The following COL18A1 variants were observed in gnomAD, a reference collection of about 807,000 sequenced individuals.
COL18A1 encodes the protein collagen alpha-1(XVIII) chain.
Under a neutral mutation model 168.0 loss-of-function variants are expected in COL18A1, and 133 were observed. That is an observed-to-expected ratio of 0.79 (90% CI 0.69 to 0.91). COL18A1 has a LOEUF of 0.91. COL18A1 is among the 40% of genes least tolerant of loss of function. The pLI is 0.00. For synonymous variants in COL18A1, 949 were observed against 809.0 expected (o/e 1.17, Z -2.94); for missense variants, 2,126 against 1,925.4 (o/e 1.10, Z -1.95).
In COL18A1 at chr21:45,409,691, C is replaced by A. The variant is rs2033230385; in HGVS notation, c.106+4218C>A. Reference sequence around the variant, plus strand: ...CTGCCATCTGGTGCCTGAGCGCAGACCCTGCTCCACGGCCAGTGGCTGTCA... The same window carrying A: ...CTGCCATCTGGTGCCTGAGCGCAGAACCTGCTCCACGGCCAGTGGCTGTCA... On this transcript the variant is annotated intron_variant, in intron 2 of 41. Coordinates refer to ENST00000651438, the MANE Select transcript of COL18A1 (RefSeq NM_001379500.1). Among the ~76,000 whole-genome samples the A allele has an allele frequency of 2.0e-5, 3 of 152,254 alleles. No individual in the cohort carries two copies. The South Asian group carries it at 6.2e-4, about 31-fold the overall frequency.
chr21:45,479,472 C>CACAT (rs550177743), intron 9 of COL18A1, among the ~76,000 whole-genome samples: 1 of 152,138 alleles, frequency 6.6e-6, no homozygotes, highest in Non-Finnish European at 1.5e-5. Context: ...CGTGGATACA[C>CACAT]ACATACACAT....
chr21:45,507,104 A>ACTGGGAGGGCTGGGTGCTGGG (rs2037254142), intron 37 of COL18A1: 1 of 270,792 alleles, frequency 3.7e-6, no homozygotes, highest in Non-Finnish European at 7.2e-6. Context: ...CCTGCCGTGG[A>ACTGGGAGGGCTGGGTGCTGGG]CTGGGAGGGC....
chr21:45,405,427 G>GC lies in COL18A1; in HGVS notation c.64dup (p.Leu22ProfsTer40). ...GGCGGCGCCTCCTGGACGTGCTCGCGCCCCTGGTCCTGCTGCTCGGGGTCC... is the reference window on the plus strand; with the variant it reads ...GGCGGCGCCTCCTGGACGTGCTCGCGCCCCCTGGTCCTGCTGCTCGGGGTCC... On this transcript the variant is annotated frameshift_variant, in exon 2 of 42. Transcript: ENST00000651438. LOFTEE classifies it high-confidence loss of function. 1 of 1,362,770 alleles carries GC rather than the reference G, an allele frequency of 7.3e-7. No individual in the cohort carries two copies. Among genetic ancestry groups the GC allele is most frequent in the Middle Eastern group, 2.7e-4 (1 of 3,638 alleles). The allele number at this position is 1,362,770 out of a possible 1,614,324, so 84.4% of individuals were successfully genotyped here. A position where few individuals can be genotyped will look rare whatever the true frequency, so the allele number is the denominator to read the frequency against.
chr21:45,477,936 G>T lies in COL18A1; in HGVS notation c.1192G>T (p.Asp398Tyr), dbSNP rs1160956128. 1.7e-5 allele frequency: 26 copies of T among 1,559,396 alleles called. No homozygotes were observed. In the South Asian group the frequency reaches 1.8e-4, roughly 11 times the overall value. ...PQGPPGPPGR[D>Y]GTPGRDGEPG... ...AGGACCCCCAGGGCCTCCGGGGAGGGACGGCACCCCTGGAAGGGACGGCGA... is the reference window on the plus strand; with the variant it reads ...AGGACCCCCAGGGCCTCCGGGGAGGTACGGCACCCCTGGAAGGGACGGCGA... The change falls in exon 8 of 42, where the codon GAC becomes TAC. Residue 398 changes from aspartate to tyrosine, a missense_variant. Transcript: ENST00000651438.
rs1192009254 is a variant in COL18A1 at position 45,477,824 on chromosome 21, A to T, written c.1080A>T (p.Pro360=). The T allele has an allele frequency of 1.9e-6, 3 of 1,552,390 alleles. No homozygotes were observed. The highest frequency in any genetic ancestry group is 2.6e-6 in the Non-Finnish European group (3 of 1,147,890). The change falls in exon 8 of 42, where the codon CCA becomes CCT. Residue 360 remains proline, a synonymous_variant. Coordinates refer to ENST00000651438, the MANE Select transcript of COL18A1 (RefSeq NM_001379500.1). ...PPGRAGPPGS[P]CLPGPPGLPC... Reference sequence around the variant, plus strand: ...GCCGGGCAGGCCCCCCAGGATCCCCATGCCTACCTGGTCCCCCGGGTCTCC... The same window carrying T: ...GCCGGGCAGGCCCCCCAGGATCCCCTTGCCTACCTGGTCCCCCGGGTCTCC...
chr21:45,467,530 C>G, intron 2 of COL18A1: 1 of 782,804 alleles, frequency 1.3e-6, no homozygotes, highest in Non-Finnish European at 1.6e-6. Flanking sequence ...GCACCTGGCC[C>G]AGCAGGTGAG....
intron 2 of COL18A1, among the ~76,000 whole-genome samples, chr21:45,413,378 G>A (rs560350280): frequency 1.3e-5 from 2 of 152,372 alleles, no homozygotes; most frequent in East Asian, 1.9e-4. Flanking sequence ...CGCCCCTGTC[G>A]CGGGGACCCA....
chr21:45,456,258 C>T (rs2034808329), intron 2 of COL18A1: 5 of 1,581,962 alleles, frequency 3.2e-6, no homozygotes, highest in Admixed American at 3.6e-5. Flanking sequence ...GGACTCTCGC[C>T]CGCCGCAGCC....
chr21:45,471,018 C>A lies in COL18A1; in HGVS notation c.651+2232C>A, dbSNP rs2035406587. Among the ~76,000 whole-genome samples the A allele has an allele frequency of 7.2e-6, 1 of 139,020 alleles. No homozygotes were observed. Among genetic ancestry groups the A allele is most frequent in the Non-Finnish European group, 1.5e-5 (1 of 66,112 alleles). 91.2% of individuals were successfully genotyped at this position (139,020 alleles called of 152,430 possible). On this transcript the variant is annotated intron_variant, in intron 3 of 41. Transcript: ENST00000651438. The surrounding 1 kb of genome is among the most constrained non-coding windows in gnomAD (Gnocchi z 4.4). ...CGTGCTGCTGGGCCTGGGTGGCGTG[C>A]TACGGGCTTGTGCTGCTGGGTGTGG...
At chr21:45,449,487 G>A (rs1021784324) in intron 2 of COL18A1, among the ~76,000 whole-genome samples, 15 of 152,166 alleles carry the variant, frequency 9.9e-5, no homozygotes, top group Non-Finnish European at 1.9e-4. Context: ...GTACATCCAG[G>A]GAAGAGCTAA....
chr21:45,440,854 A>G (rs1464129421), intron 2 of COL18A1, among the ~76,000 whole-genome samples: 1 of 152,158 alleles, frequency 6.6e-6, no homozygotes, highest in Non-Finnish European at 1.5e-5. Context: ...GGGCCCAGGC[A>G]GGGTGAGGTT....
intron 16 of COL18A1, 106 bp downstream of exon 16, chr21:45,487,098 G>A: frequency 8.8e-7 from 1 of 1,136,754 alleles, no homozygotes; most frequent in Non-Finnish European, 1.2e-6. Flanking sequence ...CTGGGCGGTG[G>A]CCTTGCTGGC....
At chr21:45,460,182 T>C (rs1422849933) in intron 2 of COL18A1, among the ~76,000 whole-genome samples, 1 of 152,198 alleles carries the variant, frequency 6.6e-6, no homozygotes, top group Non-Finnish European at 1.5e-5. Context: ...TCGCAGCAGA[T>C]GCAGGACAAG....
chr21:45,440,661 G>A (rs1003166863), intron 2 of COL18A1, among the ~76,000 whole-genome samples: 7 of 151,752 alleles, frequency 4.6e-5, no homozygotes, highest in Non-Finnish European at 1.0e-4. Context: ...TGGGGTTTGA[G>A]CCACGTTCCC....
chr21:45,488,891 TGGCCCCGAAGACCCCACCCCACCCA>T (rs1211399880), intron 18 of COL18A1, among the ~76,000 whole-genome samples: 1 of 151,854 alleles, frequency 6.6e-6, no homozygotes, highest in Non-Finnish European at 1.5e-5. Context: ...GCCCCCAGCC[TGGCCCCGAAGACCCCACCCCACCCA>T]GGCCCCGAAG....
chr21:45,494,938 G>T (rs1310641213), intron 28 of COL18A1, 23 bp downstream of exon 28: 3 of 1,603,944 alleles, frequency 1.9e-6, no homozygotes, highest in Non-Finnish European at 2.6e-6. Flanking sequence ...GGTCTCCAGT[G>T]GGGGCGGCAG....
chr21:45,456,646 G>A lies in COL18A1; in HGVS notation c.107-11596G>A, dbSNP rs778431938. On this transcript the variant is annotated intron_variant, in intron 2 of 41. Transcript: ENST00000651438. The stretch of plus-strand genomic sequence containing the variant: ...AGCAGGTGCGGGCCGGGGCACGGGC[G>A]TGGGGGGGCCTGCTGCAGACGCACT... 1,313 of 1,536,216 alleles carry A rather than the reference G, an allele frequency of 8.5e-4. No individual in the cohort carries two copies. The highest frequency in any genetic ancestry group is 2.2e-3 in the Middle Eastern group (13 of 5,976).
Position 45,444,058 on chromosome 21 carries a change from C to T in COL18A1, c.107-24184C>T, listed in dbSNP as rs150135673. On this transcript the variant is annotated intron_variant, in intron 2 of 41. Transcript: ENST00000651438. The stretch of plus-strand genomic sequence containing the variant: ...TGGGGAACGTGCTTCCCGGCTGCCA[C>T]GCTGTCGCTCTCTCTTGTCTTCTGT... Among the ~76,000 whole-genome samples the T allele has an allele frequency of 5.9e-3, 898 of 152,280 alleles. 7 individuals carry two copies. Among genetic ancestry groups the T allele is most frequent in the African/African-American group, 0.02 (832 of 41,544 alleles).
At chr21:45,427,882 G>C (rs930706960) in intron 2 of COL18A1, among the ~76,000 whole-genome samples, 1 of 152,158 alleles carries the variant, frequency 6.6e-6, no homozygotes, top group African/African-American at 2.4e-5. Context: ...TGACTAATGA[G>C]CCCAGGTGAC....
Sources: gnomAD v4.1 joint callset for allele counts (sites outside exome capture counted in the v4.1 genomes callset) on GRCh38, gnomAD v4.1.1 for gene constraint, Gnocchi (gnomAD v3.1) non-coding constraint, MANE v1.5 for transcripts, NCBI Gene and HGNC (gene_info 2026-07-23, HGNC 2026-07-21) for gene names.